SIRPA: variants seen among roughly 807,000 people sequenced by gnomAD.
SIRPA encodes signal regulatory protein alpha, also known as tyrosine-protein phosphatase non-receptor type substrate 1.
Under a neutral mutation model 50.3 loss-of-function variants are expected in SIRPA, and 9 were observed. That is an observed-to-expected ratio of 0.18 (90% CI 0.11 to 0.31). SIRPA has a LOEUF of 0.31. Among genes scored for constraint, SIRPA ranks in the 10% least tolerant of loss-of-function variants. The pLI is 1.00. For missense variants in SIRPA, 474 were observed against 661.6 expected, an observed-to-expected ratio of 0.72 and a Z score of 3.11; for synonymous variants, 265 against 284.1, an observed-to-expected ratio of 0.93 and a Z score of 0.68.
At position 1,924,700 on chromosome 20, in the gene SIRPA, T is replaced by C. The variant is rs546515157; in HGVS notation, c.1088-64T>C. 15 of 1,318,814 alleles carry C rather than the reference T, an allele frequency of 1.1e-5. No homozygotes were observed. In the African/African-American group the frequency reaches 2.2e-4, roughly 19 times the overall value. The allele number at this position is 1,318,814 out of a possible 1,614,324, so 81.7% of individuals were successfully genotyped here. ...ATGCCTGCTTAGTGGTGAAAAGCAG[T>C]GGTGGGTTTGGTTTTCTGTTTTTAA... is the stretch of plus-strand genomic sequence containing the variant. On this transcript the variant is annotated intron_variant, in intron 4 of 7. Transcript: ENST00000358771. This position sits in a 1 kb window ranked among gnomAD's most constrained non-coding sequence, Gnocchi z 4.5.
intron 5 of SIRPA, among the ~76,000 whole-genome samples, chr20:1,925,319 G>A (rs948087940): frequency 6.6e-6 from 1 of 152,232 alleles, no homozygotes; most frequent in Non-Finnish European, 1.5e-5. Flanking sequence ...TTGATTGGGA[G>A]GACTTAACAA....
intron 1 of SIRPA, among the ~76,000 whole-genome samples, chr20:1,896,981 A>G (rs1983871038): frequency 6.6e-6 from 1 of 152,152 alleles, no homozygotes; most frequent in African/African-American, 2.4e-5. Context: ...AGTGTCACTC[A>G]CAAGTGCTTA....
Position 1,938,285 on chromosome 20 carries a change from C to A in SIRPA, c.*717C>A, listed in dbSNP as rs1471499850. 6.5e-6 allele frequency: 1 copy of A among 152,792 alleles called. No individual in the cohort carries two copies. The allele number at this position is 152,792 out of a possible 1,614,324, so 9.5% of individuals were successfully genotyped here. A position where few individuals can be genotyped will look rare whatever the true frequency, so the allele number is the denominator to read the frequency against. On this transcript the variant is annotated 3_prime_UTR_variant, in exon 8 of 8. Transcript: ENST00000358771. ...GCCCAACTGTGTTGCTCCACCCGGACCCATCTCTCCCTTCTAGACCTGAGC... is the reference window on the plus strand; with the variant it reads ...GCCCAACTGTGTTGCTCCACCCGGAACCATCTCTCCCTTCTAGACCTGAGC...
At chr20:1,920,492 T>C (rs972073208) in intron 2 of SIRPA, among the ~76,000 whole-genome samples, 1 of 152,228 alleles carries the variant, frequency 6.6e-6, no homozygotes, top group African/African-American at 2.4e-5. Context: ...ATGTGTGTGC[T>C]TTCAGGACCC....
Position 1,932,007 on chromosome 20 carries a change from A to C in SIRPA, c.1227-2708A>C, listed in dbSNP as rs949609768. Among the ~76,000 whole-genome samples the C allele has an allele frequency of 6.6e-6, 1 of 152,176 alleles. No homozygotes were observed. The highest frequency in any genetic ancestry group is 2.4e-5 in the African/African-American group (1 of 41,448). On this transcript the variant is annotated intron_variant, in intron 6 of 7. Coordinates refer to ENST00000358771, the MANE Select transcript of SIRPA (RefSeq NM_001040023.2). The surrounding 1 kb of genome is among the most constrained non-coding windows in gnomAD (Gnocchi z 6.0). ...AGCAGAGGGTTGCAAAGGGGAGCAG[A>C]AAAGGCCCACCCCTGGTCTCATGGC...
chr20:1,925,900 C>A (rs1387173941), intron 5 of SIRPA, among the ~76,000 whole-genome samples: 1 of 152,210 alleles, frequency 6.6e-6, no homozygotes, highest in African/African-American at 2.4e-5. Context: ...CACATCTCAA[C>A]CCAACACATA....
intron 1 of SIRPA, among the ~76,000 whole-genome samples, chr20:1,906,988 A>C (rs929587129): frequency 2.0e-5 from 3 of 152,190 alleles, no homozygotes; most frequent in Non-Finnish European, 4.4e-5. Flanking sequence ...AGGTGAGGAA[A>C]CAGGCTTAGA....
upstream of SIRPA, chr20:1,895,152 T>C (rs572922815): frequency 1.4e-5 from 4 of 278,352 alleles, no homozygotes; most frequent in African/African-American, 2.2e-5. Flanking sequence ...CCTGGCTCCC[T>C]TGGGTCTGTT....
chr20:1,896,956 G>C lies in SIRPA; in HGVS notation c.79+1430G>C, dbSNP rs574421787. Among the ~76,000 whole-genome samples, 11 of 152,256 alleles carry C rather than the reference G, an allele frequency of 7.2e-5. No homozygotes were observed. In the South Asian group the frequency reaches 2.3e-3, roughly 32 times the overall value. On this transcript the variant is annotated intron_variant, in intron 1 of 7. Transcript: ENST00000358771. Reference sequence around the variant, plus strand: ...AGTTCCTGCCCTGCCATCCTTCCTGGCCTGGAAATGCACAAGTGTCACTCA... The same window carrying C: ...AGTTCCTGCCCTGCCATCCTTCCTGCCCTGGAAATGCACAAGTGTCACTCA...
In SIRPA at chr20:1,928,805, C is replaced by T. The variant is rs897379827; in HGVS notation, c.1226+906C>T. ...AAGATAAGGTCAGGAAGACCCAGGT[C>T]CTCGGCATCCCGGTGTCCTTTGCAG... On this transcript the variant is annotated intron_variant, in intron 6 of 7. Transcript: ENST00000358771. This position sits in a 1 kb window ranked among gnomAD's most constrained non-coding sequence, Gnocchi z 4.9. Among the ~76,000 whole-genome samples the T allele has an allele frequency of 2.6e-5, 4 of 152,122 alleles. No individual in the cohort carries two copies. Among genetic ancestry groups the T allele is most frequent in the African/African-American group, 9.7e-5 (4 of 41,408 alleles).
Position 1,915,299 on chromosome 20 carries a change from T to G in SIRPA, c.280T>G (p.Ser94Ala). The change falls in exon 2 of 8, where the codon TCA becomes GCA. Residue 94 changes from serine to alanine, a missense_variant. By Grantham distance (99) the Ser-to-Ala change is moderately conservative. This residue lies in a region of SIRPA where 221 missense variants were observed against 359.9 expected (regional missense o/e 0.61). Coordinates refer to ENST00000358771, the MANE Select transcript of SIRPA (RefSeq NM_001040023.2). ...EGHFPRVTTV[S>A]DLTKRNNMDF... Reference sequence around the variant, plus strand: ...CCACTTCCCCCGGGTAACAACTGTTTCAGACCTCACAAAGAGAAACAACAT... The same window carrying G: ...CCACTTCCCCCGGGTAACAACTGTTGCAGACCTCACAAAGAGAAACAACAT... The G allele has an allele frequency of 1.2e-6, 2 of 1,613,506 alleles. No homozygotes were observed. The highest frequency in any genetic ancestry group is 1.7e-6 in the Non-Finnish European group (2 of 1,179,804).
At position 1,936,673 on chromosome 20, in the gene SIRPA, A is replaced by G. The variant is rs1449750844; in HGVS notation, c.1267-647A>G. On this transcript the variant is annotated intron_variant, in intron 7 of 7. Coordinates refer to ENST00000358771, the MANE Select transcript of SIRPA (RefSeq NM_001040023.2). This position sits in a 1 kb window ranked among gnomAD's most constrained non-coding sequence, Gnocchi z 4.2. Reference sequence around the variant, plus strand: ...TCATTCAATATGGATCAGACTTCTTATGTGCCAGCCTTGGTTTCTGAATCA... The same window carrying G: ...TCATTCAATATGGATCAGACTTCTTGTGTGCCAGCCTTGGTTTCTGAATCA... Among the ~76,000 whole-genome samples, 1 of 152,200 alleles carries G rather than the reference A, an allele frequency of 6.6e-6. No homozygotes were observed. The highest frequency in any genetic ancestry group is 1.5e-5 in the Non-Finnish European group (1 of 68,032).
rs1568516026 is a variant in SIRPA at position 1,936,178 on chromosome 20, T to C, written c.1267-1142T>C. 6.6e-6 allele frequency among the ~76,000 whole-genome samples: 1 copy of C among 152,106 alleles called. No individual in the cohort carries two copies. The highest frequency in any genetic ancestry group is 2.4e-5 in the African/African-American group (1 of 41,420). On this transcript the variant is annotated intron_variant, in intron 7 of 7. Transcript: ENST00000358771. The surrounding 1 kb of genome is among the most constrained non-coding windows in gnomAD (Gnocchi z 4.2). ...GTGTGCCGGTTGGTGGTAGCTTTATTCTGTTCTATCACGCAGGGGCCAGTC... is the reference window on the plus strand; with the variant it reads ...GTGTGCCGGTTGGTGGTAGCTTTATCCTGTTCTATCACGCAGGGGCCAGTC...
chr20:1,929,461 G>A (rs1055381436), intron 6 of SIRPA, among the ~76,000 whole-genome samples: 1 of 152,144 alleles, frequency 6.6e-6, no homozygotes. Context: ...GAGTTGGGGG[G>A]TGCAGGTGAT....
Position 1,903,011 on chromosome 20 carries a change from C to CA in SIRPA, c.79+7506dup, listed in dbSNP as rs58735842. On this transcript the variant is annotated intron_variant, in intron 1 of 7. Transcript: ENST00000358771. Reference sequence around the variant, plus strand: ...TGGGTGACAGAGCAAGACTCTGTCTCAAAAAAAAAAAAAAAAAAAAAGAAA... The same window carrying CA: ...TGGGTGACAGAGCAAGACTCTGTCTCAAAAAAAAAAAAAAAAAAAAAAGAAA... Among the ~76,000 whole-genome samples the CA allele has an allele frequency of 6.3e-3, 568 of 90,538 alleles. 7 individuals carry two copies. Among genetic ancestry groups the CA allele is most frequent in the Non-Finnish European group, 7.5e-3 (341 of 45,314 alleles). 59.4% of individuals were successfully genotyped at this position (90,538 alleles called of 152,430 possible).
At chr20:1,916,569 C>T (rs1985311310) in intron 2 of SIRPA, among the ~76,000 whole-genome samples, 1 of 152,234 alleles carries the variant, frequency 6.6e-6, no homozygotes. Flanking sequence ...TATTCACATT[C>T]AGACCGTTAG....
At chr20:1,919,507 C>T (rs529042521) in intron 2 of SIRPA, among the ~76,000 whole-genome samples, 4 of 152,338 alleles carry the variant, frequency 2.6e-5, no homozygotes, top group African/African-American at 7.2e-5. Flanking sequence ...ATGATACAGG[C>T]CTCGGGGGCC....
rs1046132611 is a variant in SIRPA, at chr20:1,938,561, C to T, written c.*993C>T. ...TGGAGGGATTTTCTTACAGCGAAGA[C>T]TTGAGTTCCTCCAAGTCCCAGAACC... is the stretch of plus-strand genomic sequence containing the variant. On this transcript the variant is annotated 3_prime_UTR_variant, in exon 8 of 8. Coordinates refer to ENST00000358771, the MANE Select transcript of SIRPA (RefSeq NM_001040023.2). The T allele has an allele frequency of 1.3e-5, 2 of 152,662 alleles. No homozygotes were observed. Among genetic ancestry groups the T allele is most frequent in the African/African-American group, 2.4e-5 (1 of 41,454 alleles). The allele number at this position is 152,662 out of a possible 1,614,324, so 9.5% of individuals were successfully genotyped here.
At chr20:1,923,378 G>A (rs1035312236) in intron 4 of SIRPA, among the ~76,000 whole-genome samples, 6 of 152,262 alleles carry the variant, frequency 3.9e-5, no homozygotes, top group Admixed American at 3.9e-4. Context: ...CTGATGCCCT[G>A]TACATAGTAG....
Sources: allele counts gnomAD v4.1 joint callset (sites outside exome capture counted in the v4.1 genomes callset), GRCh38; gene constraint gnomAD v4.1.1; regional missense constraint gnomAD v4.1.1; non-coding constraint Gnocchi (gnomAD v3.1); transcripts MANE v1.5; gene names NCBI Gene and HGNC (gene_info 2026-07-23, HGNC 2026-07-21).